Variants in IFIH1 observed in about 807,000 individuals in gnomAD.
IFIH1 encodes the protein interferon induced with helicase C domain 1.
A neutral mutation model predicts 107.4 loss-of-function variants in IFIH1; 125 were observed. That is an observed-to-expected ratio of 1.16 (90% CI 1.01 to 1.35). The LOEUF is 1.35. IFIH1 is among the 40% of genes most tolerant of loss of function. The pLI, the probability that IFIH1 is intolerant of heterozygous loss-of-function variation, is 0.00. For missense variants in IFIH1, 1,333 were observed against 1,213.7 expected, an observed-to-expected ratio of 1.10 and a Z score of -1.46; for synonymous variants, 458 against 413.2, an observed-to-expected ratio of 1.11 and a Z score of -1.31.
At chr2:162,288,917 GCACACACACACACA>G (rs3051152) in intron 4 of IFIH1, among the ~76,000 whole-genome samples, 7 of 135,454 alleles carry the variant, frequency 5.2e-5, no homozygotes, top group South Asian at 2.5e-4. Context: ...ATACCAAAAA[GCACACACACACACA>G]CACACACACA....
At chr2:162,267,671 A>G in intron 14 of IFIH1, 102 bp from the exon 15 acceptor site, 5 of 834,602 alleles carry the variant, frequency 6.0e-6, no homozygotes, top group Non-Finnish European at 1.0e-5. Context: ...TGCCTGCGGT[A>G]TTCTACACGG....
intron 13 of IFIH1, among the ~76,000 whole-genome samples, chr2:162,269,303 C>CAT (rs1690988874): frequency 6.6e-6 from 1 of 152,140 alleles, no homozygotes; most frequent in African/African-American, 2.4e-5. Flanking sequence ...TACTTCCTGC[C>CAT]TAGAATGAGG....
intron 1 of IFIH1, among the ~76,000 whole-genome samples, chr2:162,313,170 T>G (rs1387271823): frequency 6.6e-6 from 1 of 152,210 alleles, no homozygotes; most frequent in African/African-American, 2.4e-5. Context: ...ATCTTCTCAG[T>G]TTTGGTGCTG....
At chr2:162,269,763 A>G (rs1300687782) in intron 13 of IFIH1, among the ~76,000 whole-genome samples, 1 of 152,166 alleles carries the variant, frequency 6.6e-6, no homozygotes, top group East Asian at 1.9e-4. Context: ...TTGGCTTCTA[A>G]CTCTACATTT....
intron 3 of IFIH1, among the ~76,000 whole-genome samples, chr2:162,305,346 G>T (rs1576236779): frequency 6.6e-6 from 1 of 152,108 alleles, no homozygotes; most frequent in East Asian, 1.9e-4. Context: ...GAGTGGGGGG[G>T]ATCACCTGAG....
At chr2:162,293,181 T>G (rs1683027592) in intron 4 of IFIH1, among the ~76,000 whole-genome samples, 2 of 151,936 alleles carry the variant, frequency 1.3e-5, no homozygotes, top group Non-Finnish European at 2.9e-5. Context: ...TAGTATCAAT[T>G]TTTTATTTAA....
intron 13 of IFIH1, among the ~76,000 whole-genome samples, chr2:162,271,449 G>T (rs1043402249): frequency 2.2e-5 from 3 of 134,196 alleles, no homozygotes; most frequent in Non-Finnish European, 4.8e-5. Context: ...ACACACCAGG[G>T]CCTGTCGTGG....
intron 3 of IFIH1, among the ~76,000 whole-genome samples, chr2:162,302,217 T>C (rs532306423): frequency 3.3e-5 from 5 of 152,226 alleles, no homozygotes; most frequent in African/African-American, 9.6e-5. Flanking sequence ...TAAAAGGTGC[T>C]AAAACACACA....
chr2:162,314,434 T>TTCTTTCTTTCTTTCTTTCTC (rs1683445849), intron 1 of IFIH1, among the ~76,000 whole-genome samples: 1 of 114,278 alleles, frequency 8.8e-6, no homozygotes, highest in Non-Finnish European at 1.6e-5. Context: ...CTTTCTTTCT[T>TTCTTTCTTTCTTTCTTTCTC]TCTTTCTTTC....
rs778794264 is a variant in IFIH1 at position 162,282,434 on chromosome 2, G to C, written c.1238C>G (p.Thr413Arg). Residue 413 changes from threonine to arginine, a missense_variant, in exon 6 of 16, where the codon ACA becomes AGA. Physicochemically the swap from Thr to Arg is moderately conservative, Grantham distance 71. Transcript: ENST00000649979. ...VVKSCDIIIS[T>R]AQILENSLLN... The stretch of plus-strand genomic sequence containing the variant: ...GAGGGAGTTTTCAAGGATTTGAGCT[G>C]TACTGATAATAATATCACAGGACTT... 6.2e-7 allele frequency: 1 copy of C among 1,611,972 alleles called. No homozygotes were observed. The highest frequency in any genetic ancestry group is 8.5e-7 in the Non-Finnish European group (1 of 1,178,622).
At chr2:162,306,071 A>G (rs17782569) in intron 3 of IFIH1, among the ~76,000 whole-genome samples, 4,565 of 152,360 alleles carry the variant, frequency 0.03, 410 homozygotes, top group Admixed American at 0.21. Flanking sequence ...TGAAAACAGA[A>G]TAAGTCCTTT....
At chr2:162,304,370 G>C (rs2105224573) in intron 3 of IFIH1, among the ~76,000 whole-genome samples, 1 of 152,304 alleles carries the variant, frequency 6.6e-6, no homozygotes, top group South Asian at 2.1e-4. Flanking sequence ...ACTGAGGTGG[G>C]AGGATCACTT....
At chr2:162,313,326 A>T (rs1297721307) in intron 1 of IFIH1, among the ~76,000 whole-genome samples, 1 of 152,228 alleles carries the variant, frequency 6.6e-6, no homozygotes, top group African/African-American at 2.4e-5. Flanking sequence ...TGAGACTGCA[A>T]CAAGTCATAA....
intron 3 of IFIH1, among the ~76,000 whole-genome samples, chr2:162,300,216 T>A (rs1576234513): frequency 6.6e-6 from 1 of 152,190 alleles, no homozygotes; most frequent in African/African-American, 2.4e-5. Context: ...TCTGACCAAC[T>A]CACCTCCTTC....
chr2:162,277,781 G>T, intron 9 of IFIH1, 88 bp from the exon 10 acceptor site: 2 of 1,441,178 alleles, frequency 1.4e-6, no homozygotes, highest in Non-Finnish European at 9.2e-7. Flanking sequence ...GTTACTAACT[G>T]CAAAACTGGC....
intron 13 of IFIH1, among the ~76,000 whole-genome samples, chr2:162,271,974 C>A (rs1341617699): frequency 2.6e-5 from 4 of 152,152 alleles, no homozygotes. Context: ...CTTTCTGGAA[C>A]AAGGCAGGCT....
intron 1 of IFIH1, among the ~76,000 whole-genome samples, chr2:162,314,234 C>T (rs544756025): frequency 1.3e-5 from 2 of 151,974 alleles, no homozygotes; most frequent in Non-Finnish European, 2.9e-5. Flanking sequence ...ACAGGGGTAC[C>T]CCCTTACCAT....
intron 6 of IFIH1, among the ~76,000 whole-genome samples, 182 bp from the exon 7 acceptor site, chr2:162,281,727 C>T (rs1416929284): frequency 6.6e-6 from 1 of 151,882 alleles, no homozygotes. Flanking sequence ...CACAGACGTT[C>T]GTATATACTA....
chr2:162,313,701 A>T (rs1683422126), intron 1 of IFIH1, among the ~76,000 whole-genome samples: 1 of 152,258 alleles, frequency 6.6e-6, no homozygotes, highest in East Asian at 1.9e-4. Context: ...AAAGTAAATC[A>T]GGAGGCAAAA....
Sources: allele counts gnomAD v4.1 joint callset (sites outside exome capture counted in the v4.1 genomes callset), GRCh38; gene constraint gnomAD v4.1.1; transcripts MANE v1.5; gene names NCBI Gene and HGNC (gene_info 2026-07-23, HGNC 2026-07-21).